Variants in ADGB observed in about 807,000 individuals in gnomAD.
The protein encoded by ADGB is calpain-7-like protein.
ADGB carries 172 observed loss-of-function variants against 210.5 expected under a neutral mutation model. That is an observed-to-expected ratio of 0.82 (90% CI 0.72 to 0.93). ADGB has a LOEUF of 0.93. Among genes scored for constraint, ADGB ranks in the 40% least tolerant of loss-of-function variants. The pLI is 0.00. For synonymous variants in ADGB, 658 were observed against 662.7 expected, an observed-to-expected ratio of 0.99 and a Z score of 0.11; for missense variants, 2,025 against 1,964.8, an observed-to-expected ratio of 1.03 and a Z score of -0.58.
intron 9 of ADGB, among the ~76,000 whole-genome samples, chr6:146,683,410 G>A (rs898425195): frequency 1.3e-5 from 2 of 151,998 alleles, no homozygotes; most frequent in African/African-American, 4.8e-5. Flanking sequence ...TTGATATTTA[G>A]TTAATAGCAC....
intron 2 of ADGB, among the ~76,000 whole-genome samples, chr6:146,640,332 A>G (rs1775488463): frequency 6.6e-6 from 1 of 152,034 alleles, no homozygotes; most frequent in Non-Finnish European, 1.5e-5. Flanking sequence ...TACCAGATGT[A>G]GAAAGACGAG....
chr6:146,800,557 T>C (rs1239976367), intron 33 of ADGB, among the ~76,000 whole-genome samples: 1 of 152,010 alleles, frequency 6.6e-6, no homozygotes, highest in African/African-American at 2.4e-5. Flanking sequence ...AAAGCAGTGG[T>C]CTGGAAATGC....
intron 7 of ADGB, 31 bp downstream of exon 7, chr6:146,666,933 ATTTTT>A: frequency 7.0e-7 from 1 of 1,437,142 alleles, no homozygotes; most frequent in Middle Eastern, 1.8e-4. Flanking sequence ...GCTCATATCT[ATTTTT>A]TTTATCTTCC....
intron 1 of ADGB, among the ~76,000 whole-genome samples, chr6:146,630,863 C>T (rs1003842315): frequency 3.9e-5 from 6 of 152,116 alleles, no homozygotes; most frequent in African/African-American, 1.4e-4. Context: ...TTGTGACTTG[C>T]TTTTACATTA....
chr6:146,729,849 A>C (rs1776953941), intron 20 of ADGB, among the ~76,000 whole-genome samples: 1 of 152,192 alleles, frequency 6.6e-6, no homozygotes, highest in African/African-American at 2.4e-5. Flanking sequence ...TTTACATAGT[A>C]GATTCTTATG....
At chr6:146,607,292 G>C (rs2114825909) in intron 1 of ADGB, among the ~76,000 whole-genome samples, 1 of 152,142 alleles carries the variant, frequency 6.6e-6, no homozygotes. Context: ...AGAGCCATTG[G>C]GCTGAGGCTT....
chr6:146,615,155 C>A (rs528897080), intron 1 of ADGB, among the ~76,000 whole-genome samples: 1 of 152,184 alleles, frequency 6.6e-6, no homozygotes, highest in South Asian at 2.1e-4. Flanking sequence ...ATCCCCCTGC[C>A]TTGGCCTCCC....
At chr6:146,633,120 A>C (rs1446993136) in intron 1 of ADGB, among the ~76,000 whole-genome samples, 1 of 152,086 alleles carries the variant, frequency 6.6e-6, no homozygotes, top group Non-Finnish European at 1.5e-5. Context: ...TTATCAGCGC[A>C]CTGCTGCTTT....
In ADGB at chr6:146,740,546, T is replaced by A. The variant is rs1365137085; in HGVS notation, c.2976T>A (p.Thr992=). The stretch of plus-strand genomic sequence containing the variant: ...CTAAGATTGCTTTTGCAGATTATAC[T>A]GTGACTTATCAAGAACAGCCACCAA... ...EETKIAFADY[T]VTYQEQPPNS... Residue 992 remains threonine (T), a synonymous_variant, in exon 24 of 36, where the codon ACT becomes ACA. Coordinates refer to ENST00000397944, the MANE Select transcript of ADGB (RefSeq NM_024694.4). 6.4e-7 allele frequency: 1 copy of A among 1,550,978 alleles called. No homozygotes were observed. The highest frequency in any genetic ancestry group is 1.2e-5 in the South Asian group (1 of 83,974).
At chr6:146,642,612 A>G (rs965209693) in intron 2 of ADGB, among the ~76,000 whole-genome samples, 3 of 152,012 alleles carry the variant, frequency 2.0e-5, no homozygotes, top group Admixed American at 6.6e-5. Flanking sequence ...TTTTGCGGGA[A>G]CATGGATGGA....
At chr6:146,679,474 A>G (rs1041998120) in intron 9 of ADGB, among the ~76,000 whole-genome samples, 1 of 152,238 alleles carries the variant, frequency 6.6e-6, no homozygotes, top group Non-Finnish European at 1.5e-5. Flanking sequence ...AACTCCACTC[A>G]TAAAACAAAA....
intron 3 of ADGB, among the ~76,000 whole-genome samples, chr6:146,652,050 C>T (rs537817909): frequency 3.4e-4 from 52 of 152,230 alleles, no homozygotes; most frequent in African/African-American, 1.2e-3. Flanking sequence ...GGCCCAGACC[C>T]TTGAGCATTG....
At chr6:146,714,830 G>T (rs1332843772) in intron 13 of ADGB, among the ~76,000 whole-genome samples, 1 of 152,022 alleles carries the variant, frequency 6.6e-6, no homozygotes, top group African/African-American at 2.4e-5. Flanking sequence ...GACATTACCT[G>T]TAATTAGCCT....
chr6:146,802,746 G>A, intron 35 of ADGB: 4 of 1,550,768 alleles, frequency 2.6e-6, no homozygotes, highest in Non-Finnish European at 3.5e-6. Flanking sequence ...AAATTACACA[G>A]TTCAGGGATG....
At chr6:146,671,607 A>G (rs1776009516) in intron 7 of ADGB, among the ~76,000 whole-genome samples, 1 of 152,202 alleles carries the variant, frequency 6.6e-6, no homozygotes, top group African/African-American at 2.4e-5. Context: ...GAGGTGACAC[A>G]CATTTATGGA....
chr6:146,616,027 C>T (rs531611333), intron 1 of ADGB, among the ~76,000 whole-genome samples: 1 of 150,214 alleles, frequency 6.7e-6, no homozygotes, highest in South Asian at 2.1e-4. Flanking sequence ...TACATTCCCA[C>T]CAGCAGTGTA....
intron 1 of ADGB, among the ~76,000 whole-genome samples, chr6:146,625,707 C>T (rs986272932): frequency 6.6e-6 from 1 of 152,070 alleles, no homozygotes; most frequent in African/African-American, 2.4e-5. Context: ...TGAGTTAAAG[C>T]TTCCAGAAGC....
At chr6:146,656,289 A>T (rs1775779835) in intron 4 of ADGB, among the ~76,000 whole-genome samples, 1 of 152,250 alleles carries the variant, frequency 6.6e-6, no homozygotes, top group Non-Finnish European at 1.5e-5. Context: ...TGGGATTTAC[A>T]GTATATTTAT....
intron 23 of ADGB, among the ~76,000 whole-genome samples, chr6:146,738,438 CTTTTTTTTTTTTTT>C (rs71031008): frequency 2.8e-5 from 2 of 71,332 alleles, no homozygotes; most frequent in African/African-American, 9.8e-5. Flanking sequence ...CCCATTTCAT[CTTTTTTTTTTTTTT>C]TTTTTTTTTT....
Sources: gnomAD v4.1 joint callset for allele counts (sites outside exome capture counted in the v4.1 genomes callset) on GRCh38, gnomAD v4.1.1 for gene constraint, MANE v1.5 for transcripts, NCBI Gene and HGNC (gene_info 2026-07-23, HGNC 2026-07-21) for gene names.